The following FAM76A variants were observed in gnomAD, a reference collection of about 807,000 sequenced individuals.
FAM76A encodes protein FAM76A.
A neutral mutation model predicts 46.2 loss-of-function variants in FAM76A; 32 were observed. The ratio of observed to expected loss-of-function variants is 0.69; its 90% CI spans 0.52 to 0.93. FAM76A has a LOEUF of 0.93. Ranked by LOEUF, FAM76A falls within the 40% of genes least tolerant of loss-of-function variation. The pLI is 0.00. For synonymous variants in FAM76A, 137 were observed against 127.0 expected (o/e 1.08, Z -0.53); for missense variants, 274 against 361.5 (o/e 0.76, Z 1.96).
intron 7 of FAM76A, 30 bp downstream of exon 7, chr1:27,755,360 GAA>G: frequency 6.2e-7 from 1 of 1,612,616 alleles, no homozygotes; most frequent in South Asian, 1.1e-5. Context: ...TCTCTGACCA[GAA>G]TGATGCGAGG....
rs1415463947 is a variant in FAM76A at position 27,755,276 on chromosome 1, C to A, written c.681C>A (p.Thr227=). The A allele has an allele frequency of 1.2e-6, 2 of 1,613,882 alleles. No homozygotes were observed. The highest frequency in any genetic ancestry group is 1.7e-6 in the Non-Finnish European group (2 of 1,180,000). ...CCCAACTGAAGGAAGAAGTGGCTAC[C>A]CTGAAGAAGATGTTGCATCAAAAGG... ...IIAQLKEEVA[T]LKKMLHQKDQ... is the part of the protein sequence containing the mutation. The change falls in exon 7 of 9, where the codon ACC becomes ACA. Residue 227 remains threonine, a synonymous_variant. Coordinates refer to ENST00000373954, the MANE Select transcript of FAM76A (RefSeq NM_152660.3).
At chr1:27,757,909 G>A (rs1396642346) in intron 7 of FAM76A, among the ~76,000 whole-genome samples, 5 of 151,960 alleles carry the variant, frequency 3.3e-5, no homozygotes, top group South Asian at 2.1e-4. Flanking sequence ...CCGGTGAGGC[G>A]GAGCTTGCTG....
intron 2 of FAM76A, 64 bp from the exon 3 acceptor site, chr1:27,732,539 G>A: frequency 1.4e-6 from 2 of 1,480,580 alleles, no homozygotes; most frequent in Non-Finnish European, 1.9e-6. Flanking sequence ...AATTCCTTGG[G>A]CTTAAGGAGG....
At chr1:27,759,779 G>GTTTTTGTTTGTTTT in intron 8 of FAM76A, 152 bp downstream of exon 8, 6 of 359,616 alleles carry the variant, frequency 1.7e-5, no homozygotes, top group South Asian at 7.1e-5. Context: ...TTTTTTTTTT[G>GTTTTTGTTTGTTTT]TTTTTTTTTT....
chr1:27,745,147 T>A (rs969774258), intron 5 of FAM76A, among the ~76,000 whole-genome samples: 1 of 152,296 alleles, frequency 6.6e-6, no homozygotes, highest in Non-Finnish European at 1.5e-5. Context: ...TCAATGCATA[T>A]TTAGCCAGGA....
At chr1:27,739,647 A>G (rs940402635) in intron 4 of FAM76A, among the ~76,000 whole-genome samples, 2 of 151,878 alleles carry the variant, frequency 1.3e-5, no homozygotes, top group Non-Finnish European at 2.9e-5. Context: ...AATTAGCAGG[A>G]TGTGGTGGTG....
At position 27,761,009 on chromosome 1, in the gene FAM76A, A is replaced by G. The variant is rs2088501498; in HGVS notation, c.*428A>G. On this transcript the variant is annotated 3_prime_UTR_variant, in exon 9 of 9. Coordinates refer to ENST00000373954, the MANE Select transcript of FAM76A (RefSeq NM_152660.3). ...CATACCCATGAGCAAACAGTTTGGCATTAATTATATATCACTGCCACCCTC... is the reference window on the plus strand; with the variant it reads ...CATACCCATGAGCAAACAGTTTGGCGTTAATTATATATCACTGCCACCCTC... The G allele has an allele frequency of 7.2e-6, 1 of 138,766 alleles. No homozygotes were observed. The highest frequency in any genetic ancestry group is 2.7e-5 in the African/African-American group (1 of 36,428). The allele number at this position is 138,766 out of a possible 1,614,324, so 8.6% of individuals were successfully genotyped here.
intron 2 of FAM76A, among the ~76,000 whole-genome samples, chr1:27,727,936 T>A (rs776727455): frequency 3.4e-4 from 51 of 151,216 alleles, no homozygotes; most frequent in Non-Finnish European, 5.7e-4. Flanking sequence ...GCCTCCCAAG[T>A]AGCTGAGATT....
chr1:27,759,484 G>T, intron 7 of FAM76A, 42 bp from the exon 8 acceptor site: 1 of 1,432,634 alleles, frequency 7.0e-7, no homozygotes, highest in Non-Finnish European at 9.6e-7. Flanking sequence ...TTTTTTTATT[G>T]CACAGAAATT....
chr1:27,744,454 T>C (rs1031325958), intron 4 of FAM76A, among the ~76,000 whole-genome samples, 200 bp from the exon 5 acceptor site: 1 of 152,168 alleles, frequency 6.6e-6, no homozygotes, highest in African/African-American at 2.4e-5. Flanking sequence ...TAAGCAACTT[T>C]TATGTGCCTG....
chr1:27,738,024 A>G (rs940264894), intron 4 of FAM76A, among the ~76,000 whole-genome samples: 3 of 151,886 alleles, frequency 2.0e-5, no homozygotes, highest in Non-Finnish European at 2.9e-5. Flanking sequence ...CTGCACTGCA[A>G]TGTGGGTGAG....
chr1:27,739,983 CAT>C, intron 4 of FAM76A: 1 of 298,874 alleles, frequency 3.3e-6, no homozygotes. Context: ...TTGGCTCGCC[CAT>C]CCTCAACAGC....
intron 4 of FAM76A, among the ~76,000 whole-genome samples, chr1:27,735,009 A>G (rs185169784): frequency 6.6e-6 from 1 of 152,312 alleles, no homozygotes; most frequent in East Asian, 1.9e-4. Context: ...TAAAACTCAA[A>G]TCCCTTCTAT....
chr1:27,757,729 C>T (rs2088435741), intron 7 of FAM76A, among the ~76,000 whole-genome samples: 1 of 151,848 alleles, frequency 6.6e-6, no homozygotes, highest in Non-Finnish European at 1.5e-5. Context: ...GTAATCCCAC[C>T]ATTTTGGGAG....
chr1:27,747,594 A>G, intron 5 of FAM76A, among the ~76,000 whole-genome samples: 1 of 152,202 alleles, frequency 6.6e-6, no homozygotes, highest in Non-Finnish European at 1.5e-5. Flanking sequence ...TGACTGAGAT[A>G]CCAGTAGGTT....
chr1:27,740,171 G>A (rs144280589), intron 4 of FAM76A: 103 of 547,580 alleles, frequency 1.9e-4, no homozygotes, highest in African/African-American at 1.6e-3. Flanking sequence ...TGTCCAAGCT[G>A]GAACAGTGGG....
chr1:27,738,693 C>T lies in FAM76A; in HGVS notation c.354+4510C>T, dbSNP rs183668650. On this transcript the variant is annotated intron_variant, in intron 4 of 8. Transcript: ENST00000373954. ...CAAGACCTTACTCTCACAGAGCTTA[C>T]ATTTATGTGTGTGAAAGAGAAAAGG... 2.7e-3 allele frequency among the ~76,000 whole-genome samples: 408 copies of T among 152,166 alleles called. 2 individuals are homozygous for T. Among genetic ancestry groups the T allele is most frequent in the African/African-American group, 9.4e-3 (390 of 41,514 alleles).
chr1:27,743,582 G>T (rs1466927792), intron 4 of FAM76A, among the ~76,000 whole-genome samples: 13 of 152,106 alleles, frequency 8.5e-5, no homozygotes, highest in Admixed American at 7.9e-4. Context: ...TGGGCAACAT[G>T]GTGAAACCCT....
At chr1:27,734,413 G>A (rs2088011362) in intron 4 of FAM76A, among the ~76,000 whole-genome samples, 1 of 152,108 alleles carries the variant, frequency 6.6e-6, no homozygotes, top group Admixed American at 6.6e-5. Context: ...CAGGCGTGGT[G>A]GCATGCGCCT....
Sources: allele counts gnomAD v4.1 joint callset (sites outside exome capture counted in the v4.1 genomes callset), GRCh38; gene constraint gnomAD v4.1.1; transcripts MANE v1.5; gene names NCBI Gene and HGNC (gene_info 2026-07-23, HGNC 2026-07-21).